The following DESI2 variants were observed in gnomAD, a reference collection of about 807,000 sequenced individuals.
DESI2 encodes desumoylating isopeptidase 2.
Under a neutral mutation model 24.1 loss-of-function variants are expected in DESI2, and 10 were observed. The ratio of observed to expected loss-of-function variants is 0.41; its 90% CI spans 0.26 to 0.70. DESI2 has a LOEUF of 0.70. DESI2 is among the 30% of genes least tolerant of loss of function. The pLI is 0.29. For missense variants in DESI2, 122 were observed against 234.9 expected (o/e 0.52, Z 3.14); for synonymous variants, 71 against 87.7 (o/e 0.81, Z 1.06).
intron 4 of DESI2, among the ~76,000 whole-genome samples, chr1:244,703,910 G>A (rs529037192): frequency 2.9e-4 from 44 of 151,944 alleles, no homozygotes; most frequent in African/African-American, 9.2e-4. Flanking sequence ...TGCCCGCCTC[G>A]GCCTCCCAAA....
intron 4 of DESI2, among the ~76,000 whole-genome samples, chr1:244,702,052 C>T (rs758172813): frequency 6.6e-6 from 1 of 152,158 alleles, no homozygotes; most frequent in Non-Finnish European, 1.5e-5. Flanking sequence ...ACTATTTGAT[C>T]ACTAGCCACC....
intron 1 of DESI2, among the ~76,000 whole-genome samples, chr1:244,682,897 A>G (rs957797167): frequency 1.3e-5 from 2 of 152,050 alleles, no homozygotes; most frequent in Admixed American, 6.5e-5. Flanking sequence ...AAAGCACAGT[A>G]AGGCAAACTC....
At position 244,689,706 on chromosome 1, in the gene DESI2, C is replaced by T. The variant is rs1308224333; in HGVS notation, c.209+364C>T. Among the ~76,000 whole-genome samples, 3 of 152,050 alleles carry T rather than the reference C, an allele frequency of 2.0e-5. No individual in the cohort carries two copies. The highest frequency in any genetic ancestry group is 4.8e-5 in the African/African-American group (2 of 41,410). On this transcript the variant is annotated intron_variant, in intron 3 of 4. Transcript: ENST00000302550. The surrounding 1 kb of genome is among the most constrained non-coding windows in gnomAD (Gnocchi z 4.0). The stretch of plus-strand genomic sequence containing the variant: ...TGTATTTTTAGTAGAGATGGAGTTT[C>T]GCCATGTTGGCCAGGCTAGTCTTGA...
intron 4 of DESI2, among the ~76,000 whole-genome samples, chr1:244,699,310 G>A (rs974830284): frequency 1.3e-5 from 2 of 152,042 alleles, no homozygotes; most frequent in South Asian, 2.1e-4. Flanking sequence ...CTGGCCAGGT[G>A]CGGTGGCTCA....
At chr1:244,694,616 T>G (rs1173140115) in intron 4 of DESI2, 1 of 849,348 alleles carries the variant, frequency 1.2e-6, no homozygotes, top group African/African-American at 1.7e-5. Context: ...GGTAGCCACA[T>G]TTGCCACAGG....
chr1:244,688,357 T>C (rs1379720297), intron 2 of DESI2, among the ~76,000 whole-genome samples: 1 of 152,236 alleles, frequency 6.6e-6, no homozygotes, highest in Non-Finnish European at 1.5e-5. Flanking sequence ...AAATAGCCAC[T>C]TTATTTCTCA....
chr1:244,686,092 T>A (rs998407745), intron 1 of DESI2, among the ~76,000 whole-genome samples: 10 of 152,228 alleles, frequency 6.6e-5, no homozygotes, highest in Admixed American at 6.5e-4. Flanking sequence ...TTTATTCTTA[T>A]ATTATTACCA....
At chr1:244,666,468 A>G (rs1676050941) in intron 1 of DESI2, among the ~76,000 whole-genome samples, 1 of 152,216 alleles carries the variant, frequency 6.6e-6, no homozygotes, top group Non-Finnish European at 1.5e-5. Context: ...CCATTCATTC[A>G]AACTGAGGAG....
intron 1 of DESI2, 114 bp from the exon 2 acceptor site, chr1:244,686,483 G>T (rs922113087): frequency 2.9e-6 from 2 of 698,838 alleles, no homozygotes; most frequent in African/African-American, 1.8e-5. Context: ...AGGACCACTG[G>T]ATCGTTATCA....
At chr1:244,682,097 C>T (rs899654630) in intron 1 of DESI2, among the ~76,000 whole-genome samples, 1 of 152,134 alleles carries the variant, frequency 6.6e-6, no homozygotes, top group East Asian at 1.9e-4. Flanking sequence ...GTAGTGCAGA[C>T]CCAAAGAGTG....
intron 1 of DESI2, among the ~76,000 whole-genome samples, chr1:244,679,414 A>G (rs1235219940): frequency 6.6e-6 from 1 of 152,230 alleles, no homozygotes; most frequent in Non-Finnish European, 1.5e-5. Flanking sequence ...AAGGAAGAGT[A>G]CAATCTGTAT....
At chr1:244,668,077 G>T (rs1031731975) in intron 1 of DESI2, among the ~76,000 whole-genome samples, 7 of 152,158 alleles carry the variant, frequency 4.6e-5, no homozygotes, top group African/African-American at 1.7e-4. Flanking sequence ...ATCAAATTGT[G>T]ATTATTTACA....
intron 4 of DESI2, among the ~76,000 whole-genome samples, chr1:244,701,611 A>G (rs2148818162): frequency 6.6e-6 from 1 of 152,272 alleles, no homozygotes; most frequent in East Asian, 1.9e-4. Flanking sequence ...TGGAGTCCAG[A>G]ATTGTTTGGG....
chr1:244,673,212 A>G (rs1167909929), intron 1 of DESI2, among the ~76,000 whole-genome samples: 2 of 152,138 alleles, frequency 1.3e-5, no homozygotes, highest in Admixed American at 6.5e-5. Flanking sequence ...GTTCTCTAAT[A>G]ATAGATCTAG....
At chr1:244,670,822 A>G (rs577208801) in intron 1 of DESI2, among the ~76,000 whole-genome samples, 3 of 152,340 alleles carry the variant, frequency 2.0e-5, no homozygotes, top group Non-Finnish European at 4.4e-5. Context: ...AGGTCTCCCA[A>G]CTCAGTCTAA....
chr1:244,666,937 C>T (rs1187085847), intron 1 of DESI2, among the ~76,000 whole-genome samples: 3 of 152,050 alleles, frequency 2.0e-5, no homozygotes, highest in Admixed American at 6.6e-5. Context: ...CATCAGATCT[C>T]GTGATTCTTA....
chr1:244,705,672 G>A lies in DESI2; in HGVS notation c.468G>A (p.Gln156=), dbSNP rs750011893. ...PKEWLTPAAL[Q]SSVSQELQDE... is the part of the protein sequence containing the mutation. ...AGTGGCTCACGCCCGCAGCCCTGCA[G>A]TCTAGTGTCAGCCAAGAACTCCAGG... The change falls in exon 5 of 5, where the codon CAG becomes CAA. Residue 156 remains glutamine, a synonymous_variant. Coordinates refer to ENST00000302550, the MANE Select transcript of DESI2 (RefSeq NM_016076.5). 1.9e-5 allele frequency: 30 copies of A among 1,614,174 alleles called. No homozygotes were observed. Among genetic ancestry groups the A allele is most frequent in the Non-Finnish European group, 2.5e-5 (30 of 1,180,036 alleles).
At position 244,689,488 on chromosome 1, in the gene DESI2, A is replaced by G. The variant is rs148717925; in HGVS notation, c.209+146A>G. On this transcript the variant is annotated intron_variant, in intron 3 of 4. Coordinates refer to ENST00000302550, the MANE Select transcript of DESI2 (RefSeq NM_016076.5). The surrounding 1 kb of genome is among the most constrained non-coding windows in gnomAD (Gnocchi z 4.0). ...AATTGCTGACATTTTATATAACTCAAGTTTGCCTCAGGAAACTCATTTCTT... is the reference window on the plus strand; with the variant it reads ...AATTGCTGACATTTTATATAACTCAGGTTTGCCTCAGGAAACTCATTTCTT... 279 of 550,610 alleles carry G rather than the reference A, an allele frequency of 5.1e-4. 3 individuals carry two copies. Among genetic ancestry groups the G allele is most frequent in the Middle Eastern group, 3.5e-3 (10 of 2,888 alleles). The allele number at this position is 550,610 out of a possible 1,614,324, so 34.1% of individuals were successfully genotyped here.
chr1:244,689,725 G>C lies in DESI2; in HGVS notation c.209+383G>C, dbSNP rs1305421425. Among the ~76,000 whole-genome samples, 1 of 152,184 alleles carries C rather than the reference G, an allele frequency of 6.6e-6. No homozygotes were observed. The highest frequency in any genetic ancestry group is 1.5e-5 in the Non-Finnish European group (1 of 68,038). ...GAGTTTCGCCATGTTGGCCAGGCTA[G>C]TCTTGAACTCCTGACCTCAGGTGAT... On this transcript the variant is annotated intron_variant, in intron 3 of 4. Coordinates refer to ENST00000302550, the MANE Select transcript of DESI2 (RefSeq NM_016076.5). This position sits in a 1 kb window ranked among gnomAD's most constrained non-coding sequence, Gnocchi z 4.0.
Sources: allele counts gnomAD v4.1 joint callset (sites outside exome capture counted in the v4.1 genomes callset), GRCh38; gene constraint gnomAD v4.1.1; non-coding constraint Gnocchi (gnomAD v3.1); transcripts MANE v1.5; gene names NCBI Gene and HGNC (gene_info 2026-07-23, HGNC 2026-07-21).